WSCD2: variants seen among roughly 807,000 people sequenced by gnomAD.
WSCD2 encodes the protein sialate:O-sulfotransferase 2.
In WSCD2, 28 loss-of-function variants were observed where a neutral mutation model predicts 55.7. The observed-to-expected ratio is 0.50, with a 90% CI of 0.37 to 0.69. WSCD2 has a LOEUF of 0.69. Among genes scored for constraint, WSCD2 ranks in the 30% least tolerant of loss-of-function variants. The pLI is 0.00. For synonymous variants in WSCD2, 301 were observed against 301.9 expected, an observed-to-expected ratio of 1.00 and a Z score of 0.03; for missense variants, 616 against 762.1, an observed-to-expected ratio of 0.81 and a Z score of 2.26.
At chr12:108,136,690 A>G (rs1172091660) in intron 1 of WSCD2, among the ~76,000 whole-genome samples, 3 of 152,184 alleles carry the variant, frequency 2.0e-5, no homozygotes, top group Non-Finnish European at 4.4e-5. Context: ...GAGCCAGCGC[A>G]TGGCAGAGCC....
chr12:108,170,984 T>C (rs1207144681), intron 1 of WSCD2, among the ~76,000 whole-genome samples: 1 of 152,122 alleles, frequency 6.6e-6, no homozygotes, highest in Admixed American at 6.5e-5. Flanking sequence ...CTTCAGAGCA[T>C]ACAAAGCCCT....
rs570920259 is a variant in WSCD2 at position 108,153,897 on chromosome 12, C to T, written c.-552+23971C>T. On this transcript the variant is annotated intron_variant, in intron 1 of 8. Coordinates refer to ENST00000547525, the MANE Select transcript of WSCD2 (RefSeq NM_014653.4). ...GCAGTTGAAGGGGAAGAGCGTGTCT[C>T]GAGGGGCAAATGGAAGACAGCAGAC... Among the ~76,000 whole-genome samples, 11 of 151,916 alleles carry T rather than the reference C, an allele frequency of 7.2e-5. No individual in the cohort carries two copies. The East Asian group carries it at 1.4e-3, about 19-fold the overall frequency.
At position 108,248,068 on chromosome 12, in the gene WSCD2, G is replaced by T; in HGVS notation, c.1423G>T (p.Val475Leu). 6.2e-7 allele frequency: 1 copy of T among 1,614,192 alleles called. No homozygotes were observed. The highest frequency in any genetic ancestry group is 1.1e-5 in the South Asian group (1 of 91,082). Residue 475 changes from valine (V) to leucine (L), a missense_variant, in exon 9 of 9, where the codon GTG becomes TTG. Transcript: ENST00000547525. This position sits in a 1 kb window ranked among gnomAD's most constrained non-coding sequence, Gnocchi z 4.3. ...GGACTGGCTCAAGTTTGGCAAGAAG[G>T]TGCTGGTGGTGCACTTTGAGGACCT... Reference protein sequence around the residue: ...TLDWLKFGKKVLVVHFEDLKQ... With the variant: ...TLDWLKFGKKLLVVHFEDLKQ...
At chr12:108,204,890 C>A (rs913169996) in intron 2 of WSCD2, among the ~76,000 whole-genome samples, 70 of 152,214 alleles carry the variant, frequency 4.6e-4, no homozygotes, top group African/African-American at 1.6e-3. Flanking sequence ...TCAGTTTAAA[C>A]CAGACAGCTG....
chr12:108,130,756 C>A (rs560137594), intron 1 of WSCD2, among the ~76,000 whole-genome samples: 83 of 152,092 alleles, frequency 5.5e-4, no homozygotes, highest in Non-Finnish European at 9.7e-4. Context: ...CCTATTGGAG[C>A]CTGGGGAGGT....
At chr12:108,134,496 G>A (rs1271036414) in intron 1 of WSCD2, among the ~76,000 whole-genome samples, 1 of 152,154 alleles carries the variant, frequency 6.6e-6, no homozygotes, top group Non-Finnish European at 1.5e-5. Context: ...CCCAGACCTT[G>A]GTGAAGGGAT....
chr12:108,231,713 T>C (rs1171580826), intron 6 of WSCD2, among the ~76,000 whole-genome samples: 1 of 152,240 alleles, frequency 6.6e-6, no homozygotes, highest in East Asian at 1.9e-4. Context: ...AAGTACCTGC[T>C]GTATACCAGA....
In WSCD2 at chr12:108,210,175, G is replaced by T. The variant is rs758075570; in HGVS notation, c.552G>T (p.Lys184Asn). Residue 184 changes from lysine (K) to asparagine (N), a missense_variant, in exon 4 of 9, where the codon AAG becomes AAT. By Grantham distance (94) the Lys-to-Asn change is moderately conservative (BLOSUM62 0). This residue lies in a region of WSCD2 where 374 missense variants were observed against 467.4 expected (regional missense o/e 0.80). Coordinates refer to ENST00000547525, the MANE Select transcript of WSCD2 (RefSeq NM_014653.4). This position sits in a 1 kb window ranked among gnomAD's most constrained non-coding sequence, Gnocchi z 4.3. ...GCGCCGAGTGCTACTGCGGCCACAAGATCCAGGCGACGAACGTGAGCGAGG... is the reference window on the plus strand; with the variant it reads ...GCGCCGAGTGCTACTGCGGCCACAATATCCAGGCGACGAACGTGAGCGAGG... ...EFGAECYCGHKIQATNVSEAE... is the reference protein window; with the variant it reads ...EFGAECYCGHNIQATNVSEAE... The T allele has an allele frequency of 6.2e-6, 10 of 1,614,018 alleles. No homozygotes were observed. In the African/African-American group the frequency reaches 1.3e-4, roughly 22 times the overall value.
intron 4 of WSCD2, among the ~76,000 whole-genome samples, chr12:108,221,443 G>A (rs149849583): frequency 2.6e-3 from 389 of 152,186 alleles, no homozygotes; most frequent in Non-Finnish European, 4.4e-3. Context: ...TTAATCCCAG[G>A]TACTCAGGAG....
At chr12:108,230,249 G>A (rs1426369) in intron 6 of WSCD2, among the ~76,000 whole-genome samples, 133,491 of 152,234 alleles carry the variant, frequency 0.88, 58,647 homozygotes, top group Non-Finnish European at 0.9. Flanking sequence ...TTTTTGCAGT[G>A]TATTCCAATG....
rs1289528101 is a variant in WSCD2, at chr12:108,195,817, C to T, written c.-16C>T. Reference sequence around the variant, plus strand: ...CCCAGCCAAGCCCCAGAGAGCCAGTCCGGAATGATCCCACTATGGCCAAGC... The same window carrying T: ...CCCAGCCAAGCCCCAGAGAGCCAGTTCGGAATGATCCCACTATGGCCAAGC... On this transcript the variant is annotated 5_prime_UTR_variant, in exon 2 of 9. Coordinates refer to ENST00000547525, the MANE Select transcript of WSCD2 (RefSeq NM_014653.4). 1.3e-6 allele frequency: 2 copies of T among 1,592,030 alleles called. No individual in the cohort carries two copies. The highest frequency in any genetic ancestry group is 4.5e-5 in the East Asian group (2 of 44,750).
intron 1 of WSCD2, among the ~76,000 whole-genome samples, chr12:108,162,846 G>A (rs767904343): frequency 1.8e-4 from 28 of 152,160 alleles, no homozygotes; most frequent in Non-Finnish European, 3.5e-4. Flanking sequence ...CTTGGTAAAT[G>A]GCTGTTTCCA....
intron 1 of WSCD2, among the ~76,000 whole-genome samples, chr12:108,161,972 A>G (rs1463096773): frequency 2.0e-5 from 3 of 152,322 alleles, no homozygotes; most frequent in African/African-American, 2.4e-5. Flanking sequence ...TGTCATCTCA[A>G]GCCCTCACCA....
intron 4 of WSCD2, among the ~76,000 whole-genome samples, chr12:108,213,666 G>A (rs1405691973): frequency 1.3e-5 from 2 of 152,162 alleles, no homozygotes; most frequent in Non-Finnish European, 1.5e-5. Context: ...AGTGGGAGAG[G>A]AATTAGGCAA....
intron 8 of WSCD2, chr12:108,244,678 T>C: frequency 1.4e-6 from 1 of 691,474 alleles, no homozygotes; most frequent in Non-Finnish European, 2.6e-6. Context: ...GGGGAGGAGC[T>C]GGGTCCTGAA....
At position 108,206,511 on chromosome 12, in the gene WSCD2, C is replaced by T. The variant is rs573115726; in HGVS notation, c.497+108C>T. ...GGGAGGGTGTGTTGAAGGGTGAGCA[C>T]GTGACCACAGGAAAGGTTGACGCAA... On this transcript the variant is annotated intron_variant, in intron 3 of 8. Transcript: ENST00000547525. 521 of 1,074,700 alleles carry T rather than the reference C, an allele frequency of 4.8e-4. 1 individual carries two copies. In the African/African-American group the frequency reaches 6.7e-3, roughly 14 times the overall value. The allele number at this position is 1,074,700 out of a possible 1,614,324, so 66.6% of individuals were successfully genotyped here. A position where few individuals can be genotyped will look rare whatever the true frequency, so the allele number is the denominator to read the frequency against.
Position 108,206,133 on chromosome 12 carries a change from A to G in WSCD2, c.383-156A>G, listed in dbSNP as rs540641805. 2.4e-4 allele frequency among the ~76,000 whole-genome samples: 36 copies of G among 152,304 alleles called. 1 individual carries two copies. The highest frequency in any genetic ancestry group is 1.8e-3 in the Admixed American group (27 of 15,296). On this transcript the variant is annotated intron_variant, in intron 2 of 8. Transcript: ENST00000547525. ...CCTGATTAGACCAGGTTCTGCCAAG[A>G]CAAATGACTTTCACTCTCTCATTTC... is the stretch of plus-strand genomic sequence containing the variant.
rs571074137 is a variant in WSCD2 at position 108,145,669 on chromosome 12, A to C, written c.-552+15743A>C. On this transcript the variant is annotated intron_variant, in intron 1 of 8. Transcript: ENST00000547525. ...ACACTCAACAGAAATCGGTATACACATTCTTTTATTGCTTTATAATACTCA... is the reference window on the plus strand; with the variant it reads ...ACACTCAACAGAAATCGGTATACACCTTCTTTTATTGCTTTATAATACTCA... Among the ~76,000 whole-genome samples, 5 of 152,346 alleles carry C rather than the reference A, an allele frequency of 3.3e-5. No homozygotes were observed. The East Asian group carries it at 9.6e-4, about 29-fold the overall frequency.
chr12:108,137,533 C>T (rs1352346402), intron 1 of WSCD2, among the ~76,000 whole-genome samples: 2 of 152,104 alleles, frequency 1.3e-5, no homozygotes, highest in Non-Finnish European at 2.9e-5. Flanking sequence ...AGCCTGGGAA[C>T]AAGGGTGAAG....
Sources: gnomAD v4.1 joint callset for allele counts (sites outside exome capture counted in the v4.1 genomes callset) on GRCh38, gnomAD v4.1.1 for gene constraint, gnomAD v4.1.1 regional missense constraint, Gnocchi (gnomAD v3.1) non-coding constraint, MANE v1.5 for transcripts, NCBI Gene and HGNC (gene_info 2026-07-23, HGNC 2026-07-21) for gene names.